Variants in SLC4A10 observed in about 807,000 individuals in gnomAD.
SLC4A10 encodes the protein solute carrier family 4 member 10, also known as sodium-driven chloride bicarbonate exchanger.
In SLC4A10, 42 loss-of-function variants were observed where a neutral mutation model predicts 137.7. The ratio of observed to expected loss-of-function variants is 0.30; its 90% CI spans 0.24 to 0.39. SLC4A10 has a LOEUF of 0.39. Among genes scored for constraint, SLC4A10 ranks in the 10% least tolerant of loss-of-function variants. The pLI is 1.00. For missense variants in SLC4A10, 925 were observed against 1,355.0 expected (o/e 0.68, Z 4.98); for synonymous variants, 474 against 464.1 (o/e 1.02, Z -0.27).
At position 161,686,032 on chromosome 2, in the gene SLC4A10, T is replaced by C. The variant is rs1289931882; in HGVS notation, c.48+61466T>C. 3.3e-5 allele frequency among the ~76,000 whole-genome samples: 5 copies of C among 152,172 alleles called. No individual in the cohort carries two copies. In the East Asian group the frequency reaches 7.7e-4, roughly 24 times the overall value. On this transcript the variant is annotated intron_variant, in intron 1 of 26. Coordinates refer to ENST00000446997, the MANE Select transcript of SLC4A10 (RefSeq NM_001178015.2). ...AAGGAGTTAGCCCCCAACAGGAAAGTGGAGCAAGGAAAATCAGAAGAGAGA... is the reference window on the plus strand; with the variant it reads ...AAGGAGTTAGCCCCCAACAGGAAAGCGGAGCAAGGAAAATCAGAAGAGAGA...
At chr2:161,666,579 C>T (rs899753361) in intron 1 of SLC4A10, among the ~76,000 whole-genome samples, 3 of 151,668 alleles carry the variant, frequency 2.0e-5, no homozygotes, top group African/African-American at 7.2e-5. Context: ...AAACTCAGCA[C>T]TTTCTACCTC....
intron 1 of SLC4A10, among the ~76,000 whole-genome samples, chr2:161,676,962 A>G (rs1321376585): frequency 6.6e-6 from 1 of 152,150 alleles, no homozygotes; most frequent in African/African-American, 2.4e-5. Flanking sequence ...TTGATTACAC[A>G]AATTAAGATA....
chr2:161,938,631 T>C (rs1692048801), intron 15 of SLC4A10, among the ~76,000 whole-genome samples: 1 of 151,596 alleles, frequency 6.6e-6, no homozygotes, highest in Non-Finnish European at 1.5e-5. Flanking sequence ...TAATTATCAT[T>C]GAGAAGGGCA....
chr2:161,810,181 C>T (rs745704329), intron 3 of SLC4A10, among the ~76,000 whole-genome samples: 2 of 151,874 alleles, frequency 1.3e-5, no homozygotes, highest in Admixed American at 6.6e-5. Flanking sequence ...AATGTTATTG[C>T]TGTACAGAAA....
chr2:161,912,011 G>A (rs187429282), intron 15 of SLC4A10, among the ~76,000 whole-genome samples: 28 of 152,066 alleles, frequency 1.8e-4, no homozygotes, highest in African/African-American at 3.1e-4. Flanking sequence ...ATAAAGTCTC[G>A]TTTCCAGTAG....
chr2:161,840,795 A>G (rs908777598), intron 4 of SLC4A10, among the ~76,000 whole-genome samples: 4 of 152,214 alleles, frequency 2.6e-5, no homozygotes, highest in Admixed American at 2.0e-4. Context: ...CACCTGGAAT[A>G]TTGTTTAAAA....
chr2:161,640,722 G>A (rs185809295), intron 1 of SLC4A10, among the ~76,000 whole-genome samples: 1 of 150,638 alleles, frequency 6.6e-6, no homozygotes, highest in Non-Finnish European at 1.5e-5. Flanking sequence ...CTGGTTACAG[G>A]CATGGTCATC....
At chr2:161,870,435 C>T (rs2061047155) in intron 6 of SLC4A10, among the ~76,000 whole-genome samples, 1 of 151,610 alleles carries the variant, frequency 6.6e-6, no homozygotes, top group South Asian at 2.1e-4. Context: ...TAGATTTATA[C>T]CACACGAAAT....
chr2:161,694,354 A>G (rs2042284623), intron 1 of SLC4A10, among the ~76,000 whole-genome samples: 1 of 151,934 alleles, frequency 6.6e-6, no homozygotes, highest in Admixed American at 6.6e-5. Context: ...TTCCCCAGAC[A>G]TAACTTTATG....
At chr2:161,977,342 T>A in intron 25 of SLC4A10, 1 of 458,694 alleles carries the variant, frequency 2.2e-6, no homozygotes. Context: ...TTCCCTAAAC[T>A]TCTTATCCCA....
chr2:161,925,458 C>T (rs1426399099), intron 15 of SLC4A10, among the ~76,000 whole-genome samples: 1 of 152,056 alleles, frequency 6.6e-6, no homozygotes, highest in African/African-American at 2.4e-5. Flanking sequence ...CTTTATTAGT[C>T]TTCCTAGCGG....
intron 15 of SLC4A10, among the ~76,000 whole-genome samples, chr2:161,933,550 A>G (rs932571627): frequency 2.6e-5 from 4 of 151,902 alleles, no homozygotes; most frequent in African/African-American, 9.7e-5. Flanking sequence ...ATGCCACCAC[A>G]TCTGCCTAAT....
intron 24 of SLC4A10, among the ~76,000 whole-genome samples, chr2:161,974,575 T>C (rs1699086836): frequency 6.6e-6 from 1 of 152,202 alleles, no homozygotes; most frequent in African/African-American, 2.4e-5. Flanking sequence ...TTATAATGTG[T>C]ATGAAAAATC....
chr2:161,681,850 T>C (rs1289703353), intron 1 of SLC4A10, among the ~76,000 whole-genome samples: 1 of 152,168 alleles, frequency 6.6e-6, no homozygotes. Flanking sequence ...TATGTTGACA[T>C]GATCCTCTAC....
At chr2:161,662,311 G>A (rs1422420764) in intron 1 of SLC4A10, among the ~76,000 whole-genome samples, 1 of 152,062 alleles carries the variant, frequency 6.6e-6, no homozygotes, top group African/African-American at 2.4e-5. Flanking sequence ...CAAATATGGA[G>A]TGGCTTACAG....
chr2:161,815,576 C>G (rs1055630602), intron 3 of SLC4A10, among the ~76,000 whole-genome samples: 1 of 152,002 alleles, frequency 6.6e-6, no homozygotes, highest in Non-Finnish European at 1.5e-5. Flanking sequence ...TAAAATTTGA[C>G]GACAAGCGAT....
At chr2:161,866,228 A>G (rs2125904305) in intron 6 of SLC4A10, among the ~76,000 whole-genome samples, 3 of 152,174 alleles carry the variant, frequency 2.0e-5, no homozygotes, top group Middle Eastern at 6.8e-3. Flanking sequence ...GGGGTTAAAC[A>G]TTCAGACACT....
intron 1 of SLC4A10, among the ~76,000 whole-genome samples, chr2:161,744,389 A>G (rs2125264922): frequency 6.6e-6 from 1 of 152,288 alleles, no homozygotes; most frequent in South Asian, 2.1e-4. Flanking sequence ...TGAAATGATC[A>G]TATAGTTTTT....
chr2:161,949,008 T>C, intron 17 of SLC4A10, 140 bp from the exon 18 acceptor site: 1 of 535,418 alleles, frequency 1.9e-6, no homozygotes, highest in East Asian at 3.3e-5. Context: ...GAGCTAATGG[T>C]AATCTTATAG....
Sources: allele counts gnomAD v4.1 joint callset (sites outside exome capture counted in the v4.1 genomes callset), GRCh38; gene constraint gnomAD v4.1.1; transcripts MANE v1.5; gene names NCBI Gene and HGNC (gene_info 2026-07-23, HGNC 2026-07-21).